Variants in MCF2L2 observed in about 807,000 individuals in gnomAD.
MCF2L2 encodes the protein probable guanine nucleotide exchange factor MCF2L2.
MCF2L2 carries 102 observed loss-of-function variants against 150.2 expected under a neutral mutation model. The ratio of observed to expected loss-of-function variants is 0.68; its 90% CI spans 0.58 to 0.80. The LOEUF (loss-of-function observed/expected upper bound fraction) is 0.80. Ranked by LOEUF, MCF2L2 falls within the 30% of genes least tolerant of loss-of-function variation. The probability of loss-of-function intolerance (pLI) is 0.00; values close to 1 mark genes in which losing one functional copy is unlikely to be tolerated. For synonymous variants in MCF2L2, 465 were observed against 491.3 expected (o/e 0.95, Z 0.71); for missense variants, 1,256 against 1,372.8 (o/e 0.91, Z 1.34).
intron 2 of MCF2L2, among the ~76,000 whole-genome samples, chr3:183,381,815 T>C (rs377259463): frequency 2.0e-5 from 3 of 152,344 alleles, no homozygotes; most frequent in South Asian, 4.1e-4. Flanking sequence ...CTGATGAGGA[T>C]ATTAACAGCT....
chr3:183,293,437 C>A (rs1222403066), intron 13 of MCF2L2, among the ~76,000 whole-genome samples: 1 of 152,192 alleles, frequency 6.6e-6, no homozygotes, highest in Non-Finnish European at 1.5e-5. Flanking sequence ...GAAAACAAAT[C>A]ATTGTAATTT....
chr3:183,276,228 G>A (rs1727148624), intron 15 of MCF2L2, among the ~76,000 whole-genome samples: 1 of 152,152 alleles, frequency 6.6e-6, no homozygotes, highest in African/African-American at 2.4e-5. Flanking sequence ...TAATCAAGGA[G>A]CACATTCCTA....
chr3:183,415,533 T>C (rs1430748686), intron 1 of MCF2L2, among the ~76,000 whole-genome samples: 1 of 152,140 alleles, frequency 6.6e-6, no homozygotes, highest in Non-Finnish European at 1.5e-5. Context: ...CAGTTTTTGC[T>C]TCATGTATTT....
intron 10 of MCF2L2, 27 bp from the exon 11 acceptor site, chr3:183,300,223 CGTCAGAA>C (rs1485046096): frequency 6.4e-7 from 1 of 1,571,734 alleles, no homozygotes; most frequent in Non-Finnish European, 8.6e-7. Flanking sequence ...CACAGCCAGG[CGTCAGAA>C]GTCAGAGCAT....
At chr3:183,278,881 C>A (rs559351233) in intron 14 of MCF2L2, among the ~76,000 whole-genome samples, 1 of 152,238 alleles carries the variant, frequency 6.6e-6, no homozygotes, top group East Asian at 1.9e-4. Flanking sequence ...GCATGAGATG[C>A]CCTCAGGAGC....
chr3:183,358,274 T>C (rs577467709), intron 3 of MCF2L2, among the ~76,000 whole-genome samples: 68 of 151,628 alleles, frequency 4.5e-4, no homozygotes, highest in African/African-American at 1.6e-3. Context: ...GCCTGGGCAA[T>C]GAGAGCGAAA....
intron 2 of MCF2L2, 139 bp from the exon 3 acceptor site, chr3:183,379,550 C>T (rs1330901577): frequency 1.6e-6 from 1 of 642,678 alleles, no homozygotes; most frequent in Non-Finnish European, 2.8e-6. Flanking sequence ...GAAGTTAACA[C>T]AGTTATTTTG....
intron 2 of MCF2L2, among the ~76,000 whole-genome samples, chr3:183,388,352 G>GGTCACA (rs1560052630): frequency 8.6e-5 from 13 of 151,572 alleles, no homozygotes; most frequent in East Asian, 3.9e-4. Context: ...TCTGTGGTAG[G>GGTCACA]GCAACAGTTT....
intron 1 of MCF2L2, among the ~76,000 whole-genome samples, chr3:183,394,209 G>A (rs1714320552): frequency 1.3e-5 from 2 of 152,138 alleles, no homozygotes; most frequent in Admixed American, 6.5e-5. Context: ...TTGCAACAAC[G>A]CGTAACAAGC....
At chr3:183,376,173 C>T (rs956295079) in intron 3 of MCF2L2, 2 of 152,300 alleles carry the variant, frequency 1.3e-5, no homozygotes, top group South Asian at 2.1e-4. Flanking sequence ...AAACAGAAGC[C>T]CCTGTTTGAT....
At chr3:183,340,358 C>T (rs192927090) in intron 4 of MCF2L2, among the ~76,000 whole-genome samples, 8 of 152,240 alleles carry the variant, frequency 5.3e-5, no homozygotes, top group Non-Finnish European at 1.2e-4. Flanking sequence ...CTACCACATC[C>T]ATCCTCTTTA....
intron 15 of MCF2L2, among the ~76,000 whole-genome samples, chr3:183,262,789 G>A (rs574825519): frequency 3.3e-5 from 5 of 152,142 alleles, no homozygotes; most frequent in African/African-American, 4.8e-5. Context: ...GAGAAGGTTC[G>A]GGACAAGTTC....
At chr3:183,242,419 C>T (rs1046445819) in intron 15 of MCF2L2, among the ~76,000 whole-genome samples, 2 of 152,232 alleles carry the variant, frequency 1.3e-5, no homozygotes, top group African/African-American at 2.4e-5. Flanking sequence ...AGCCCGGGGA[C>T]CCCTGCTCTA....
At chr3:183,211,148 G>T (rs2001449) in intron 22 of MCF2L2, among the ~76,000 whole-genome samples, 21 of 152,010 alleles carry the variant, frequency 1.4e-4, no homozygotes, top group Non-Finnish European at 3.1e-4. Context: ...GTGGTAAGAG[G>T]GGGGGCGAGC....
chr3:183,251,418 C>CA (rs1209262194), intron 15 of MCF2L2, among the ~76,000 whole-genome samples: 1 of 152,172 alleles, frequency 6.6e-6, no homozygotes, highest in African/African-American at 2.4e-5. Flanking sequence ...ACTAATGATG[C>CA]ATGTGCCTTA....
chr3:183,224,198 G>A lies in MCF2L2; in HGVS notation c.2116-8C>T, dbSNP rs767944447. 1.9e-6 allele frequency: 3 copies of A among 1,582,196 alleles called. No individual in the cohort carries two copies. Among genetic ancestry groups the A allele is most frequent in the Non-Finnish European group, 2.6e-6 (3 of 1,152,226 alleles). ...TATCTGAAGATCTTCTTTCTAGGTG[G>A]GAAAAAATTAGAATAAATTAATCAG... On this transcript the variant is annotated splice_region_variant and splice_polypyrimidine_tract_variant and intron_variant, in intron 18 of 29. Coordinates refer to ENST00000328913, the MANE Select transcript of MCF2L2 (RefSeq NM_015078.4).
chr3:183,188,785 T>C (rs1721781878), intron 27 of MCF2L2, among the ~76,000 whole-genome samples: 1 of 152,102 alleles, frequency 6.6e-6, no homozygotes, highest in Non-Finnish European at 1.5e-5. Flanking sequence ...CTGGTCAACA[T>C]GGTGAAACCC....
Position 183,189,666 on chromosome 3 carries a change from A to C in MCF2L2, c.3016+3333T>G, listed in dbSNP as rs556400467. Reference sequence around the variant, plus strand: ...TGGTCATCAGAAGGAGGTACTCCTCAAGGGACAGTACCTGAGGGAGACACT... The same window carrying C: ...TGGTCATCAGAAGGAGGTACTCCTCCAGGGACAGTACCTGAGGGAGACACT... On this transcript the variant is annotated intron_variant, in intron 27 of 29. Transcript: ENST00000328913. Among the ~76,000 whole-genome samples, 10 of 152,316 alleles carry C rather than the reference A, an allele frequency of 6.6e-5. No homozygotes were observed. The South Asian group carries it at 2.1e-3, about 32-fold the overall frequency.
chr3:183,308,221 G>A (rs1400403543), intron 10 of MCF2L2, among the ~76,000 whole-genome samples: 3 of 152,046 alleles, frequency 2.0e-5, no homozygotes, highest in Non-Finnish European at 4.4e-5. Flanking sequence ...CTAGGATAAG[G>A]AATACCTCTT....
Sources: allele counts gnomAD v4.1 joint callset (sites outside exome capture counted in the v4.1 genomes callset), GRCh38; gene constraint gnomAD v4.1.1; transcripts MANE v1.5; gene names NCBI Gene and HGNC (gene_info 2026-07-23, HGNC 2026-07-21).